The following SCN11A variants were observed in gnomAD, a reference collection of about 807,000 sequenced individuals.
SCN11A encodes the protein sodium channel protein type 11 subunit alpha.
In SCN11A, 122 loss-of-function variants were observed where a neutral mutation model predicts 162.2. That is an observed-to-expected ratio of 0.75 (90% CI 0.65 to 0.87). The LOEUF (loss-of-function observed/expected upper bound fraction) is 0.87. Among genes scored for constraint, SCN11A ranks in the 40% least tolerant of loss-of-function variants. The pLI, the probability that SCN11A is intolerant of heterozygous loss-of-function variation, is 0.00. For synonymous variants in SCN11A, 758 were observed against 751.5 expected (o/e 1.01, Z -0.14); for missense variants, 2,015 against 2,181.6 (o/e 0.92, Z 1.52).
chr3:38,966,579 G>T (rs2066783977), intron 2 of SCN11A, among the ~76,000 whole-genome samples: 1 of 152,250 alleles, frequency 6.6e-6, no homozygotes, highest in South Asian at 2.1e-4. Flanking sequence ...CCATCACCTT[G>T]AATATTTATT....
In SCN11A at chr3:38,886,148, G is replaced by A. The variant is rs2065394883; in HGVS notation, c.2926C>T (p.Leu976=). The change falls in exon 20 of 30, where the codon CTG becomes TTG. Residue 976 remains leucine (L), a synonymous_variant. Transcript: ENST00000302328. The stretch of plus-strand genomic sequence containing the variant: ...ACCTTTCGGGGATCCTGTATGGTCA[G>A]ATGAGGCTCATCTTCAGAGAACATG... ...IDMFSEDEPH[L]TIQDPRKKSD... is the part of the protein sequence containing the mutation. The A allele has an allele frequency of 6.2e-7, 1 of 1,612,442 alleles. No homozygotes were observed. Among genetic ancestry groups the A allele is most frequent in the African/African-American group, 1.3e-5 (1 of 75,012 alleles).
chr3:39,028,534 G>T (rs934479090), intron 2 of SCN11A, among the ~76,000 whole-genome samples: 1 of 152,182 alleles, frequency 6.6e-6, no homozygotes, highest in Non-Finnish European at 1.5e-5. Context: ...TTTAACTGCT[G>T]TCTTGTCCTG....
rs188502824 is a variant in SCN11A at position 39,040,941 on chromosome 3, G to C, written c.-403-8438C>G. On this transcript the variant is annotated intron_variant, in intron 1 of 29. Transcript: ENST00000302328. ...AAAATACAAAAAAAAAATTAGCCAG[G>C]CATGGTGGCGGGTGCCTGTAGTCCC... 5.5e-3 allele frequency among the ~76,000 whole-genome samples: 836 copies of C among 152,206 alleles called. 8 individuals carry two copies. Among genetic ancestry groups the C allele is most frequent in the Middle Eastern group, 0.02 (6 of 294 alleles).
At chr3:38,932,494 T>A (rs1206291686) in intron 7 of SCN11A, among the ~76,000 whole-genome samples, 1 of 152,144 alleles carries the variant, frequency 6.6e-6, no homozygotes, top group Non-Finnish European at 1.5e-5. Flanking sequence ...AGACGGCACC[T>A]GGAAAATCGG....
At chr3:38,923,239 C>G (rs2066082278) in intron 9 of SCN11A, among the ~76,000 whole-genome samples, 1 of 152,034 alleles carries the variant, frequency 6.6e-6, no homozygotes, top group Non-Finnish European at 1.5e-5. Flanking sequence ...TTTCAGTACC[C>G]TGGGGCTCAG....
At chr3:38,968,488 C>T (rs142125308) in intron 2 of SCN11A, among the ~76,000 whole-genome samples, 198 of 152,336 alleles carry the variant, frequency 1.3e-3, no homozygotes, top group African/African-American at 4.7e-3. Flanking sequence ...GCCAAAACTT[C>T]CCTTCATACA....
intron 2 of SCN11A, among the ~76,000 whole-genome samples, chr3:38,987,303 T>TCACACA (rs57092499): frequency 0.05 from 5,253 of 104,330 alleles, 174 homozygotes; most frequent in Non-Finnish European, 0.079. Context: ...TCTCTCTCTC[T>TCACACA]CACACACACA....
chr3:38,897,983 C>T (rs2065634131), intron 17 of SCN11A, among the ~76,000 whole-genome samples: 1 of 152,198 alleles, frequency 6.6e-6, no homozygotes, highest in South Asian at 2.1e-4. Context: ...CATCTGTAAT[C>T]CCAGCACTTT....
At chr3:38,952,660 T>TGTCTCATCATAGGATAGGC (rs1191363830) in intron 4 of SCN11A, among the ~76,000 whole-genome samples, 3 of 152,208 alleles carry the variant, frequency 2.0e-5, no homozygotes, top group Non-Finnish European at 4.4e-5. Flanking sequence ...ATAGGATAGG[T>TGTCTCATCATAGGATAGGC]GTCTCATCAT....
chr3:38,963,426 T>TATATATATATATATATATGATGGAG (rs1336508582), intron 2 of SCN11A, among the ~76,000 whole-genome samples: 2 of 74,228 alleles, frequency 2.7e-5, no homozygotes, highest in African/African-American at 2.1e-4. Context: ...ATGATGGAGA[T>TATATATATATATATATATGATGGAG]ATATATATAT....
At chr3:38,875,037 G>A (rs894579491) in intron 23 of SCN11A, among the ~76,000 whole-genome samples, 7 of 152,034 alleles carry the variant, frequency 4.6e-5, no homozygotes, top group South Asian at 2.1e-4. Flanking sequence ...AATATCCCAA[G>A]CTAAGCAGCA....
intron 28 of SCN11A, among the ~76,000 whole-genome samples, chr3:38,859,441 T>C (rs1307202385): frequency 6.6e-6 from 1 of 151,726 alleles, no homozygotes; most frequent in African/African-American, 2.4e-5. Flanking sequence ...TTCCTGGAAA[T>C]ATACAACCAT....
intron 11 of SCN11A, among the ~76,000 whole-genome samples, chr3:38,913,328 G>A (rs2065912188): frequency 6.6e-6 from 1 of 152,104 alleles, no homozygotes; most frequent in South Asian, 2.1e-4. Context: ...TTTCAGTGGA[G>A]TTGTTTTCTT....
At chr3:38,885,470 G>A (rs904725959) in intron 20 of SCN11A, 68 bp from the exon 21 acceptor site, 12 of 845,136 alleles carry the variant, frequency 1.4e-5, no homozygotes, top group Non-Finnish European at 4.0e-6. Context: ...GTAGTACGGA[G>A]TTTCTCATTG....
Position 38,900,329 on chromosome 3 carries a change from A to G in SCN11A, c.1843-256T>C, listed in dbSNP as rs114441353. 9.9e-4 allele frequency among the ~76,000 whole-genome samples: 151 copies of G among 152,322 alleles called. 1 individual carries two copies. The highest frequency in any genetic ancestry group is 3.5e-3 in the African/African-American group (144 of 41,570). On this transcript the variant is annotated intron_variant, in intron 16 of 29. Transcript: ENST00000302328. The stretch of plus-strand genomic sequence containing the variant: ...TCACAGACACCAGAATGGAAAATGA[A>G]TATTATTTCTCATTCTGTTGAAGAT...
In SCN11A at chr3:38,910,105, C is replaced by A. The variant is rs73828709; in HGVS notation, c.1062G>T (p.Arg354=). The change falls in exon 12 of 30, where the codon CGG becomes CGT. Residue 354 remains arginine, a synonymous_variant. Coordinates refer to ENST00000302328, the MANE Select transcript of SCN11A (RefSeq NM_001349253.2). ...NFGWSFLAMF[R]LMTQDSWEKL... is the part of the protein sequence containing the mutation. ...TCTCCCAGGAATCTTGGGTCATCAG[C>A]CGGAACATGGCAAGAAAAGACCAGC... 1 of 1,613,768 alleles carries A rather than the reference C, an allele frequency of 6.2e-7. No individual in the cohort carries two copies. Among genetic ancestry groups the A allele is most frequent in the Admixed American group, 1.7e-5 (1 of 59,956 alleles).
rs750419712 is a variant in SCN11A at position 38,846,807 on chromosome 3, C to G, written c.5263G>C (p.Asp1755His). 1 of 1,614,008 alleles carries G rather than the reference C, an allele frequency of 6.2e-7. No homozygotes were observed. Among genetic ancestry groups the G allele is most frequent in the Admixed American group, 1.7e-5 (1 of 60,016 alleles). ...TCCAAGTCATTTTGGTCACCTTGGT[C>G]ACCCTTGGTCACCTTCATCATGTAC... ...RKYMMKVTKG[D>H]QGDQNDLENG... The change falls in exon 30 of 30, where the codon GAC becomes CAC. Residue 1755 changes from aspartate to histidine, a missense_variant. Asp to His is a moderately conservative substitution (Grantham distance 81). Coordinates refer to ENST00000302328, the MANE Select transcript of SCN11A (RefSeq NM_001349253.2).
chr3:38,961,252 T>C (rs2066738329), intron 2 of SCN11A, among the ~76,000 whole-genome samples: 1 of 152,254 alleles, frequency 6.6e-6, no homozygotes, highest in African/African-American at 2.4e-5. Flanking sequence ...CTTAGTTTCC[T>C]GAGCCTTAGT....
intron 1 of SCN11A, among the ~76,000 whole-genome samples, chr3:39,050,969 C>T (rs1478568855): frequency 6.6e-6 from 1 of 152,160 alleles, no homozygotes; most frequent in African/African-American, 2.4e-5. Context: ...AGGGTCTGAT[C>T]ACCCTCAGCT....
Sources: allele counts gnomAD v4.1 joint callset (sites outside exome capture counted in the v4.1 genomes callset), GRCh38; gene constraint gnomAD v4.1.1; transcripts MANE v1.5; gene names NCBI Gene and HGNC (gene_info 2026-07-23, HGNC 2026-07-21).